The following HS3ST1 variants were observed in gnomAD, a reference collection of about 807,000 sequenced individuals.
HS3ST1 encodes heparan sulfate glucosamine 3-O-sulfotransferase 1.
In HS3ST1, 8 loss-of-function variants were observed where a neutral mutation model predicts 20.7. That is an observed-to-expected ratio of 0.39 (90% confidence interval 0.23 to 0.70). The LOEUF (loss-of-function observed/expected upper bound fraction) is 0.70. Among genes scored for constraint, HS3ST1 ranks in the 30% least tolerant of loss-of-function variants. The probability of loss-of-function intolerance (pLI) is 0.46; values close to 1 mark genes in which losing one functional copy is unlikely to be tolerated. For missense variants in HS3ST1, 436 were observed against 423.4 expected, an observed-to-expected ratio of 1.03 and a Z score of -0.26; for synonymous variants, 205 against 190.4, an observed-to-expected ratio of 1.08 and a Z score of -0.63.
At chr4:11,425,628 C>T (rs74747250) in intron 1 of HS3ST1, among the ~76,000 whole-genome samples, 10,550 of 152,220 alleles carry the variant, frequency 0.069, 446 homozygotes, top group African/African-American at 0.12. Context: ...CATATGCAAA[C>T]TATGATTAAA....
At chr4:11,423,871 C>G (rs1481051806) in intron 1 of HS3ST1, among the ~76,000 whole-genome samples, 1 of 152,130 alleles carries the variant, frequency 6.6e-6, no homozygotes, top group Non-Finnish European at 1.5e-5. Context: ...CCTCATATCC[C>G]TGGAAACCAG....
intron 1 of HS3ST1, among the ~76,000 whole-genome samples, chr4:11,415,195 A>G (rs917884691): frequency 1.3e-5 from 2 of 152,248 alleles, no homozygotes; most frequent in Admixed American, 1.3e-4. Context: ...AGGCTAAAGT[A>G]TGTAAATAGG....
At position 11,399,344 on chromosome 4, in the gene HS3ST1, A is replaced by T; in HGVS notation, c.662T>A (p.Ile221Asn). 6.2e-7 allele frequency: 1 copy of T among 1,614,072 alleles called. No homozygotes were observed. Among genetic ancestry groups the T allele is most frequent in the Non-Finnish European group, 8.5e-7 (1 of 1,180,034 alleles). The change falls in exon 2 of 2, where the codon ATC becomes AAC. Residue 221 changes from isoleucine to asparagine, a missense_variant. Coordinates refer to ENST00000002596, the MANE Select transcript of HS3ST1 (RefSeq NM_005114.4). This position sits in a 1 kb window ranked among gnomAD's most constrained non-coding sequence, Gnocchi z 5.1. ...HIHIVDGDRL[I>N]RDPFPEIQKV... ...TTGGATCTCAGGGAAGGGGTCCCTG[A>T]TGAGGCGGTCGCCGTCCACAATGTG...
At chr4:11,410,548 A>G (rs776395649) in intron 1 of HS3ST1, among the ~76,000 whole-genome samples, 1 of 152,198 alleles carries the variant, frequency 6.6e-6, no homozygotes, top group Non-Finnish European at 1.5e-5. Context: ...GGATGAGGCT[A>G]CAGGACCCAC....
rs1325060074 is a variant in HS3ST1 at position 11,397,584 on chromosome 4, C to CT, written c.*1497dup. 7.9e-5 allele frequency: 12 copies of CT among 152,188 alleles called. No individual in the cohort carries two copies. The highest frequency in any genetic ancestry group is 1.5e-4 in the Non-Finnish European group (10 of 68,044). 9.4% of individuals were successfully genotyped at this position (152,188 alleles called of 1,614,324 possible). ...TACATAAATAACCTGTGCTTTGGCT[C>CT]TGAGTAGCCTCTAAGCCTGAGTTTA... On this transcript the variant is annotated 3_prime_UTR_variant, in exon 2 of 2. Transcript: ENST00000002596.
At chr4:11,410,345 G>A (rs373750071) in intron 1 of HS3ST1, among the ~76,000 whole-genome samples, 7 of 152,302 alleles carry the variant, frequency 4.6e-5, no homozygotes, top group South Asian at 2.1e-4. Context: ...GTCAGGGAGG[G>A]CCTCGAAGGA....
rs757253292 is a variant in HS3ST1, at chr4:11,399,063, GAGCTT to G, written c.*14_*18del. The G allele has an allele frequency of 4.4e-6, 7 of 1,591,966 alleles. No homozygotes were observed. The East Asian group carries it at 1.6e-4, about 36-fold the overall frequency. ...CAGAACTTACAGTAGGAAAGTTTCT[GAGCTT>G]AGCTTATTGCAAATCAGTGCCAGTC... On this transcript the variant is annotated 3_prime_UTR_variant, in exon 2 of 2. Transcript: ENST00000002596. This position sits in a 1 kb window ranked among gnomAD's most constrained non-coding sequence, Gnocchi z 5.1.
intron 1 of HS3ST1, among the ~76,000 whole-genome samples, chr4:11,425,432 G>T (rs1293379164): frequency 6.6e-6 from 1 of 152,154 alleles, no homozygotes; most frequent in Non-Finnish European, 1.5e-5. Flanking sequence ...GACATGTAAT[G>T]TGTATTATGT....
Position 11,399,544 on chromosome 4 carries a change from T to G in HS3ST1, c.462A>C (p.Leu154=), listed in dbSNP as rs1274701302. 2 of 1,613,880 alleles carry G rather than the reference T, an allele frequency of 1.2e-6. No individual in the cohort carries two copies. Among genetic ancestry groups the G allele is most frequent in the South Asian group, 2.2e-5 (2 of 91,076 alleles). Residue 154 remains leucine (L), a synonymous_variant, in exon 2 of 2, where the codon CTA becomes CTC. Coordinates refer to ENST00000002596, the MANE Select transcript of HS3ST1 (RefSeq NM_005114.4). The surrounding 1 kb of genome is among the most constrained non-coding windows in gnomAD (Gnocchi z 5.1). The part of the protein sequence containing the change: ...LILRDPSERV[L]SDYTQVFYNH... ...TGTAGAACACTTGGGTGTAGTCAGA[T>G]AGCACGCGCTCCGACGGGTCTCGCA...
At chr4:11,409,520 C>G (rs933093264) in intron 1 of HS3ST1, among the ~76,000 whole-genome samples, 1 of 152,214 alleles carries the variant, frequency 6.6e-6, no homozygotes, top group Admixed American at 6.5e-5. Context: ...CTCTCATTCT[C>G]TCCACCATGT....
chr4:11,394,596 G>C lies in HS3ST1; in HGVS notation c.*4486C>G, dbSNP rs1718087732. On this transcript the variant is annotated 3_prime_UTR_variant, in exon 2 of 2. Coordinates refer to ENST00000002596, the MANE Select transcript of HS3ST1 (RefSeq NM_005114.4). The stretch of plus-strand genomic sequence containing the variant: ...CACTGCTTTGCTTGAAGGTAATCTT[G>C]ATATCACCCTAACTGTCCAACTCCA... 1 of 152,108 alleles carries C rather than the reference G, an allele frequency of 6.6e-6. No individual in the cohort carries two copies. Among genetic ancestry groups the C allele is most frequent in the Admixed American group, 6.5e-5 (1 of 15,276 alleles). The allele number at this position is 152,108 out of a possible 1,614,324, so 9.4% of individuals were successfully genotyped here. A position where few individuals can be genotyped will look rare whatever the true frequency, so the allele number is the denominator to read the frequency against.
rs1718096399 is a variant in HS3ST1, at chr4:11,394,982, T to G, written c.*4100A>C. 6.6e-6 allele frequency: 1 copy of G among 152,194 alleles called. No homozygotes were observed. Among genetic ancestry groups the G allele is most frequent in the African/African-American group, 2.4e-5 (1 of 41,452 alleles). 9.4% of individuals were successfully genotyped at this position (152,194 alleles called of 1,614,324 possible). A position where few individuals can be genotyped will look rare whatever the true frequency, so the allele number is the denominator to read the frequency against. On this transcript the variant is annotated 3_prime_UTR_variant, in exon 2 of 2. Transcript: ENST00000002596. Reference sequence around the variant, plus strand: ...TCACATGGGTGCCTGCTAAGTAAGCTTCCAACACTCCAGCCTTGGAAAGCA... The same window carrying G: ...TCACATGGGTGCCTGCTAAGTAAGCGTCCAACACTCCAGCCTTGGAAAGCA...
chr4:11,403,626 G>C lies in HS3ST1; in HGVS notation c.-108-3513C>G, dbSNP rs112991924. 8.3e-4 allele frequency among the ~76,000 whole-genome samples: 126 copies of C among 152,172 alleles called. 1 individual carries two copies. The highest frequency in any genetic ancestry group is 2.9e-3 in the African/African-American group (122 of 41,510). On this transcript the variant is annotated intron_variant, in intron 1 of 1. Transcript: ENST00000002596. ...ATGTAAAATAATGACAATATTTTTGGGATTCCATAGAAGAAAAACCCAACA... is the reference window on the plus strand; with the variant it reads ...ATGTAAAATAATGACAATATTTTTGCGATTCCATAGAAGAAAAACCCAACA...
upstream of HS3ST1, among the ~76,000 whole-genome samples, chr4:11,433,055 C>T (rs1172681412): frequency 6.6e-6 from 1 of 152,140 alleles, no homozygotes; most frequent in African/African-American, 2.4e-5. Flanking sequence ...ATGATGTTTT[C>T]CTTTATGAAT....
chr4:11,413,486 A>G (rs750702037), intron 1 of HS3ST1, among the ~76,000 whole-genome samples: 4 of 152,084 alleles, frequency 2.6e-5, no homozygotes, highest in Non-Finnish European at 5.9e-5. Flanking sequence ...TCCTTAGCAA[A>G]TGGAGAAGCA....
At chr4:11,405,034 A>G (rs543254000) in intron 1 of HS3ST1, among the ~76,000 whole-genome samples, 259 of 152,336 alleles carry the variant, frequency 1.7e-3, no homozygotes, top group Non-Finnish European at 3.2e-3. Context: ...TTTCTTGGCA[A>G]TGTCTGGAGT....
In HS3ST1 at chr4:11,407,760, C is replaced by T. The variant is rs147092447; in HGVS notation, c.-108-7647G>A. On this transcript the variant is annotated intron_variant, in intron 1 of 1. Coordinates refer to ENST00000002596, the MANE Select transcript of HS3ST1 (RefSeq NM_005114.4). Reference sequence around the variant, plus strand: ...AGTGCTTTCCAAACATGCATATGCACGCAAGTCACTTGGAAAGCCAGTTAC... The same window carrying T: ...AGTGCTTTCCAAACATGCATATGCATGCAAGTCACTTGGAAAGCCAGTTAC... Among the ~76,000 whole-genome samples the T allele has an allele frequency of 3.3e-5, 5 of 152,190 alleles. No homozygotes were observed. In the South Asian group the frequency reaches 8.3e-4, roughly 25 times the overall value.
intron 1 of HS3ST1, among the ~76,000 whole-genome samples, chr4:11,427,749 G>A (rs1378398457): frequency 1.3e-5 from 2 of 152,182 alleles, no homozygotes; most frequent in Non-Finnish European, 2.9e-5. Flanking sequence ...TATAACTGCA[G>A]AGTTATAGAC....
chr4:11,401,607 G>A (rs1718328084), intron 1 of HS3ST1, among the ~76,000 whole-genome samples: 1 of 152,170 alleles, frequency 6.6e-6, no homozygotes, highest in Non-Finnish European at 1.5e-5. Context: ...GCCTCCCAAA[G>A]TGCTGGGATT....
Sources: gnomAD v4.1 joint callset for allele counts (sites outside exome capture counted in the v4.1 genomes callset) on GRCh38, gnomAD v4.1.1 for gene constraint, Gnocchi (gnomAD v3.1) non-coding constraint, MANE v1.5 for transcripts, NCBI Gene and HGNC (gene_info 2026-07-23, HGNC 2026-07-21) for gene names.